Variants in DNAI7 observed in about 807,000 individuals in gnomAD.
The protein encoded by DNAI7 is dynein axonemal intermediate chain 7.
Under a neutral mutation model 86.6 loss-of-function variants are expected in DNAI7, and 78 were observed. The observed-to-expected ratio is 0.90, with a 90% CI of 0.75 to 1.09. The LOEUF (loss-of-function observed/expected upper bound fraction) is 1.09. DNAI7 is among the 50% of genes least tolerant of loss of function. The pLI is 0.00. For synonymous variants in DNAI7, 274 were observed against 273.0 expected, an observed-to-expected ratio of 1.00 and a Z score of -0.04; for missense variants, 753 against 810.2, an observed-to-expected ratio of 0.93 and a Z score of 0.86.
chr12:25,150,301 G>A (rs974421293), intron 6 of DNAI7, among the ~76,000 whole-genome samples: 3 of 151,900 alleles, frequency 2.0e-5, no homozygotes, highest in African/African-American at 2.4e-5. Context: ...GATCAAATTC[G>A]CATCATTAAA....
intron 1 of DNAI7, among the ~76,000 whole-genome samples, chr12:25,191,894 C>A (rs567304609): frequency 6.6e-6 from 1 of 152,230 alleles, no homozygotes; most frequent in African/African-American, 2.4e-5. Flanking sequence ...TATCAGATTT[C>A]TGGTAAGGAA....
chr12:25,120,814 A>C (rs1388486946), intron 11 of DNAI7, among the ~76,000 whole-genome samples: 1 of 152,242 alleles, frequency 6.6e-6, no homozygotes, highest in Non-Finnish European at 1.5e-5. Flanking sequence ...AAACTCCTTG[A>C]AAGATGATCT....
chr12:25,131,393 T>C (rs2140614515), intron 9 of DNAI7, among the ~76,000 whole-genome samples: 1 of 152,358 alleles, frequency 6.6e-6, no homozygotes, highest in South Asian at 2.1e-4. Flanking sequence ...TAGCTGTGAT[T>C]ATATAGGAAT....
chr12:25,189,043 A>G, intron 2 of DNAI7, among the ~76,000 whole-genome samples: 1 of 152,360 alleles, frequency 6.6e-6, no homozygotes, highest in East Asian at 1.9e-4. Context: ...AGAAGCAAAC[A>G]AAGAAGGCAC....
At chr12:25,157,925 C>T (rs1257029410) in intron 4 of DNAI7, among the ~76,000 whole-genome samples, 2 of 151,680 alleles carry the variant, frequency 1.3e-5, no homozygotes, top group South Asian at 2.1e-4. Flanking sequence ...TGCAGCAAGA[C>T]TTGCTTAGAT....
rs540453091 is a variant in DNAI7 at position 25,154,858 on chromosome 12, T to C, written c.301-402A>G. Among the ~76,000 whole-genome samples, 3 of 152,348 alleles carry C rather than the reference T, an allele frequency of 2.0e-5. No homozygotes were observed. In the South Asian group the frequency reaches 6.2e-4, roughly 32 times the overall value. ...TTAGTAGAAGGCCTTCCATTCATTT[T>C]GTAGTTTATGCAAATTTCACATTTG... On this transcript the variant is annotated intron_variant, in intron 5 of 15. Coordinates refer to ENST00000395987, the MANE Select transcript of DNAI7 (RefSeq NM_018272.5).
intron 12 of DNAI7, among the ~76,000 whole-genome samples, chr12:25,118,499 G>C (rs1457041253): frequency 2.0e-5 from 3 of 152,044 alleles, no homozygotes; most frequent in Admixed American, 2.0e-4. Flanking sequence ...CTGACCTCAG[G>C]TGATCCATCT....
At chr12:25,175,861 C>T (rs1460583267) in intron 2 of DNAI7, among the ~76,000 whole-genome samples, 17 of 151,350 alleles carry the variant, frequency 1.1e-4, no homozygotes, top group Admixed American at 6.6e-5. Context: ...GGGCAGATCA[C>T]GAGGTCAGGA....
intron 12 of DNAI7, among the ~76,000 whole-genome samples, chr12:25,117,069 G>A (rs1408172916): frequency 6.6e-6 from 1 of 150,706 alleles, no homozygotes; most frequent in Non-Finnish European, 1.5e-5. Flanking sequence ...GGGTAGCTGG[G>A]ACTACAGGCA....
chr12:25,170,617 G>C (rs1458916726), intron 2 of DNAI7, among the ~76,000 whole-genome samples: 2 of 152,014 alleles, frequency 1.3e-5, no homozygotes, highest in African/African-American at 4.8e-5. Flanking sequence ...ACTATACCTT[G>C]GAAGAAATGG....
In DNAI7 at chr12:25,142,174, G is replaced by C. The variant is rs370856514; in HGVS notation, c.1002+2191C>G. The stretch of plus-strand genomic sequence containing the variant: ...TGGAATACCACTCAGCCATAAAAGA[G>C]AATGAAATAATGGCATTTGCAGCAA... On this transcript the variant is annotated intron_variant, in intron 9 of 15. Transcript: ENST00000395987. 1.7e-4 allele frequency among the ~76,000 whole-genome samples: 26 copies of C among 152,344 alleles called. No individual in the cohort carries two copies. The East Asian group carries it at 4.0e-3, about 24-fold the overall frequency.
intron 1 of DNAI7, 36 bp from the exon 2 acceptor site, chr12:25,190,667 A>G: frequency 7.8e-7 from 1 of 1,276,032 alleles, no homozygotes; most frequent in Non-Finnish European, 1.1e-6. Context: ...GATCAATTTT[A>G]AAGACAATTC....
At chr12:25,142,195 A>C (rs200323849) in intron 9 of DNAI7, among the ~76,000 whole-genome samples, 1 of 152,376 alleles carries the variant, frequency 6.6e-6, no homozygotes, top group East Asian at 1.9e-4. Context: ...TGGCATTTGC[A>C]GCAACCTGGA....
In DNAI7 at chr12:25,175,029, G is replaced by T. The variant is rs187905559; in HGVS notation, c.22-13832C>A. Among the ~76,000 whole-genome samples the T allele has an allele frequency of 4.4e-3, 663 of 151,886 alleles. 5 individuals are homozygous for T. Among genetic ancestry groups the T allele is most frequent in the African/African-American group, 0.015 (619 of 41,398 alleles). On this transcript the variant is annotated intron_variant, in intron 2 of 15. Coordinates refer to ENST00000395987, the MANE Select transcript of DNAI7 (RefSeq NM_018272.5). ...GTGCAGTGTATACTGCTCGGGTGAT[G>T]GGTGAACCAAAATCTCACAAATCAC...
intron 12 of DNAI7, among the ~76,000 whole-genome samples, chr12:25,117,935 TTTC>T (rs1026002161): frequency 4.1e-5 from 3 of 73,086 alleles, no homozygotes; most frequent in Non-Finnish European, 7.6e-5. Flanking sequence ...ATATTTTCTT[TTTC>T]TTTTTTTTTT....
chr12:25,183,363 G>T (rs757114363), intron 2 of DNAI7, among the ~76,000 whole-genome samples: 13 of 151,952 alleles, frequency 8.6e-5, no homozygotes, highest in African/African-American at 3.1e-4. Flanking sequence ...CTGTACGTGG[G>T]TATATTGGGT....
At chr12:25,159,243 G>A (rs534700110) in intron 3 of DNAI7, among the ~76,000 whole-genome samples, 23 of 152,170 alleles carry the variant, frequency 1.5e-4, no homozygotes, top group African/African-American at 4.6e-4. Flanking sequence ...GGAGCTACTC[G>A]GCCTTATTAT....
intron 2 of DNAI7, among the ~76,000 whole-genome samples, chr12:25,187,628 A>G (rs1950151240): frequency 6.6e-6 from 1 of 152,160 alleles, no homozygotes; most frequent in Non-Finnish European, 1.5e-5. Flanking sequence ...CTTGATTGTG[A>G]TAGCAAAAAA....
At chr12:25,174,405 G>GATATATATATGATATATATGATATATAT (rs1565810577) in intron 2 of DNAI7, among the ~76,000 whole-genome samples, 5 of 94 alleles carry the variant, frequency 0.053, 1 homozygote, top group South Asian at 1. Context: ...TCATATATAT[G>GATATATATATGATATATATGATATATAT]GGATATATGG....
Sources: gnomAD v4.1 joint callset for allele counts (sites outside exome capture counted in the v4.1 genomes callset) on GRCh38, gnomAD v4.1.1 for gene constraint, MANE v1.5 for transcripts, NCBI Gene and HGNC (gene_info 2026-07-23, HGNC 2026-07-21) for gene names.